MYO1A: variants seen among roughly 807,000 people sequenced by gnomAD.
MYO1A encodes the protein unconventional myosin-Ia.
Under a neutral mutation model 138.5 loss-of-function variants are expected in MYO1A, and 127 were observed. The observed-to-expected ratio is 0.92, with a 90% confidence interval of 0.79 to 1.06. The LOEUF (loss-of-function observed/expected upper bound fraction) is 1.06, where lower values mean the gene tolerates loss of function less well. Among genes scored for constraint, MYO1A ranks in the 50% least tolerant of loss-of-function variants. MYO1A has a pLI of 0.00. For synonymous variants in MYO1A, 477 were observed against 497.5 expected (o/e 0.96, Z 0.55); for missense variants, 1,211 against 1,288.8 (o/e 0.94, Z 0.92).
chr12:57,048,432 A>G, intron 1 of MYO1A, 89 bp from the exon 2 acceptor site: 1 of 808,628 alleles, frequency 1.2e-6, no homozygotes, highest in Non-Finnish European at 2.1e-6. Context: ...GGACCAAAAG[A>G]GCCTTCCTCT....
chr12:57,039,616 C>T (rs186746996), intron 14 of MYO1A, among the ~76,000 whole-genome samples: 2 of 152,274 alleles, frequency 1.3e-5, no homozygotes, highest in East Asian at 3.9e-4. Context: ...AGGATCCATG[C>T]GTATGTGCAA....
At chr12:57,048,377 C>T in intron 1 of MYO1A, 34 bp from the exon 2 acceptor site, 1 of 1,328,472 alleles carries the variant, frequency 7.5e-7, no homozygotes, top group Non-Finnish European at 1.1e-6. Context: ...CTGATGTCCA[C>T]TCAGCTTTAG....
chr12:57,038,315 T>C, intron 17 of MYO1A, 97 bp downstream of exon 17: 3 of 1,380,146 alleles, frequency 2.2e-6, no homozygotes, highest in East Asian at 2.4e-5. Context: ...GACATCCTTA[T>C]TCCAGAAGCA....
chr12:57,036,666 G>A, intron 21 of MYO1A, 106 bp downstream of exon 21: 1 of 1,348,742 alleles, frequency 7.4e-7, no homozygotes, highest in Non-Finnish European at 1.1e-6. Context: ...GATACACAGA[G>A]GTGCGGCCTG....
chr12:57,046,487 G>T, intron 8 of MYO1A, 65 bp downstream of exon 8: 1 of 1,261,470 alleles, frequency 7.9e-7, no homozygotes, highest in Non-Finnish European at 1.2e-6. Flanking sequence ...TTCTGGGACT[G>T]AATGGAGGTT....
intron 7 of MYO1A, 51 bp downstream of exon 7, chr12:57,046,812 G>A: frequency 6.3e-7 from 1 of 1,584,264 alleles, no homozygotes; most frequent in Non-Finnish European, 8.7e-7. Context: ...AGCAGAAAGG[G>A]CCATGGGAGG....
intron 6 of MYO1A, 37 bp downstream of exon 6, chr12:57,047,024 A>T: frequency 1.2e-6 from 2 of 1,613,628 alleles, no homozygotes. Context: ...TTAAGCCCCC[A>T]CATCCTCTCT....
chr12:57,038,294 A>G (rs2030668693), intron 17 of MYO1A, 118 bp downstream of exon 17: 1 of 1,240,898 alleles, frequency 8.1e-7, no homozygotes, highest in Non-Finnish European at 1.1e-6. Flanking sequence ...TTCTGTGAGG[A>G]AAGGACCTCT....
intron 12 of MYO1A, among the ~76,000 whole-genome samples, chr12:57,042,688 G>A (rs971651005): frequency 6.6e-6 from 1 of 151,952 alleles, no homozygotes; most frequent in Non-Finnish European, 1.5e-5. Flanking sequence ...GAACTACTGA[G>A]CTCAAGTGAT....
chr12:57,041,116 G>T, intron 14 of MYO1A, 68 bp downstream of exon 14: 1 of 1,189,816 alleles, frequency 8.4e-7, no homozygotes, highest in Non-Finnish European at 1.2e-6. Context: ...TGTGATCAAG[G>T]AGAAAGGAAG....
chr12:57,043,474 A>C (rs2030954747), intron 10 of MYO1A, 116 bp from the exon 11 acceptor site: 1 of 1,009,472 alleles, frequency 9.9e-7, no homozygotes, highest in Non-Finnish European at 1.6e-6. Flanking sequence ...CTCACTGGAG[A>C]AGTCATTGCA....
Position 57,042,599 on chromosome 12 carries a change from TTAAA to T in MYO1A, c.1098+469_1098+472del, listed in dbSNP as rs1249418733. 8.5e-5 allele frequency among the ~76,000 whole-genome samples: 13 copies of T among 152,360 alleles called. No individual in the cohort carries two copies. The South Asian group carries it at 2.3e-3, about 27-fold the overall frequency. On this transcript the variant is annotated intron_variant, in intron 12 of 27. Coordinates refer to ENST00000300119, the MANE Select transcript of MYO1A (RefSeq NM_005379.4). ...GCAGGTAGGAATGCATTAGTGTTTC[TTAAA>T]TAGTTTTTTATTTAACTTATTTTTT...
At chr12:57,048,743 C>T (rs2031230765) in intron 1 of MYO1A, among the ~76,000 whole-genome samples, 2 of 152,158 alleles carry the variant, frequency 1.3e-5, no homozygotes, top group South Asian at 4.1e-4. Flanking sequence ...CCCTCTCTCT[C>T]CTACAATGGG....
intron 23 of MYO1A, 23 bp from the exon 24 acceptor site, chr12:57,030,339 G>A: frequency 6.3e-7 from 1 of 1,594,600 alleles, no homozygotes; most frequent in South Asian, 1.1e-5. Context: ...AGGGACAGGA[G>A]CTAAAATCAT....
At chr12:57,047,489 C>T in intron 4 of MYO1A, 82 bp from the exon 5 acceptor site, 1 of 1,494,468 alleles carries the variant, frequency 6.7e-7, no homozygotes, top group Non-Finnish European at 9.3e-7. Context: ...CACCCCAGTG[C>T]CTCACCACCC....
Position 57,029,561 on chromosome 12 carries a change from G to C in MYO1A, c.2751C>G (p.Thr917=). 6.2e-7 allele frequency: 1 copy of C among 1,614,170 alleles called. No homozygotes were observed. The highest frequency in any genetic ancestry group is 8.5e-7 in the Non-Finnish European group (1 of 1,180,008). The part of the protein sequence containing the change: ...GKTSSRILLL[T]KGHVILTDTK... ...TGTCTGTGAGAATCACATGGCCCTT[G>C]GTCAGGAGGAGAATCCGAGAAGAAG... Residue 917 remains threonine (T), a synonymous_variant, in exon 26 of 28, where the codon ACC becomes ACG. Transcript: ENST00000300119.
chr12:57,049,404 G>A (rs892993843), intron 1 of MYO1A, among the ~76,000 whole-genome samples: 10 of 152,244 alleles, frequency 6.6e-5, no homozygotes, highest in African/African-American at 2.4e-4. Flanking sequence ...GGGTGGAGGA[G>A]CGGAGGAAGG....
In MYO1A at chr12:57,041,531, G is replaced by A. The variant is rs759050469; in HGVS notation, c.1099-34C>T. On this transcript the variant is annotated intron_variant, in intron 12 of 27. Coordinates refer to ENST00000300119, the MANE Select transcript of MYO1A (RefSeq NM_005379.4). ...GAGAGAAAGATAAATCTGAGGACAG[G>A]CCCCCTCTGCACACCAGGCCAGGTC... The A allele has an allele frequency of 1.8e-5, 29 of 1,572,046 alleles. No homozygotes were observed. In the South Asian group the frequency reaches 2.9e-4, roughly 16 times the overall value.
chr12:57,034,143 A>C (rs565400108), intron 22 of MYO1A, among the ~76,000 whole-genome samples: 1 of 152,314 alleles, frequency 6.6e-6, no homozygotes, highest in South Asian at 2.1e-4. Context: ...TGGGTTGCCC[A>C]AGCCTCTATT....
Sources: gnomAD v4.1 joint callset for allele counts (sites outside exome capture counted in the v4.1 genomes callset) on GRCh38, gnomAD v4.1.1 for gene constraint, MANE v1.5 for transcripts, NCBI Gene and HGNC (gene_info 2026-07-23, HGNC 2026-07-21) for gene names.